Variants in PPFIA2 observed in about 807,000 individuals in gnomAD.
PPFIA2 encodes liprin-alpha-2.
PPFIA2 carries 46 observed loss-of-function variants against 175.5 expected under a neutral mutation model. The observed-to-expected ratio is 0.26, with a 90% confidence interval of 0.21 to 0.34. The LOEUF (loss-of-function observed/expected upper bound fraction) is 0.34, where lower values mean the gene tolerates loss of function less well. PPFIA2 is among the 10% of genes least tolerant of loss of function. PPFIA2 has a pLI of 1.00. For synonymous variants in PPFIA2, 568 were observed against 511.4 expected (o/e 1.11, Z -1.49); for missense variants, 1,179 against 1,506.1 (o/e 0.78, Z 3.60).
chr12:81,480,521 C>A (rs2058080920), intron 4 of PPFIA2, among the ~76,000 whole-genome samples: 1 of 152,122 alleles, frequency 6.6e-6, no homozygotes, highest in East Asian at 1.9e-4. Context: ...AGTCTTTTTG[C>A]ACTTTTTTCC....
At chr12:81,406,271 T>C (rs892686467) in intron 7 of PPFIA2, among the ~76,000 whole-genome samples, 3 of 152,156 alleles carry the variant, frequency 2.0e-5, no homozygotes, top group African/African-American at 7.2e-5. Context: ...GTTTTTTTGG[T>C]CTGTATTTTT....
At chr12:81,358,305 G>A in intron 15 of PPFIA2, 88 bp from the exon 16 acceptor site, 1 of 1,249,288 alleles carries the variant, frequency 8.0e-7, no homozygotes, top group Non-Finnish European at 1.1e-6. Context: ...TGGCAATAAA[G>A]CAGAAATCCT....
intron 5 of PPFIA2, among the ~76,000 whole-genome samples, chr12:81,452,294 T>C (rs910077990): frequency 1.3e-5 from 2 of 152,222 alleles, no homozygotes; most frequent in East Asian, 1.9e-4. Context: ...TTGTGAATAG[T>C]TATTTCCAAT....
In PPFIA2 at chr12:81,642,781, A is replaced by G. The variant is rs1248177329; in HGVS notation, c.303+34010T>C. On this transcript the variant is annotated intron_variant, in intron 4 of 32. Coordinates refer to ENST00000549396, the MANE Select transcript of PPFIA2 (RefSeq NM_003625.5). ...ATACATGTATATGTATGTATGTATT[A>G]TATACATACATGTATATGTATGTAT... Among the ~76,000 whole-genome samples the G allele has an allele frequency of 1.9e-5, 2 of 106,818 alleles. 1 individual carries two copies. The highest frequency in any genetic ancestry group is 7.1e-5 in the African/African-American group (2 of 28,124). 70.1% of individuals were successfully genotyped at this position (106,818 alleles called of 152,430 possible). A position where few individuals can be genotyped will look rare whatever the true frequency, so the allele number is the denominator to read the frequency against.
chr12:81,304,438 C>T lies in PPFIA2; in HGVS notation c.2643-5056G>A, dbSNP rs1270134237. Among the ~76,000 whole-genome samples, 4 of 152,256 alleles carry T rather than the reference C, an allele frequency of 2.6e-5. No individual in the cohort carries two copies. In the East Asian group the frequency reaches 7.7e-4, roughly 29 times the overall value. ...GAAGATTTGTATAAACACATATACA[C>T]ATACATAAACAAAATAAGTTGAGCC... On this transcript the variant is annotated intron_variant, in intron 22 of 32. Coordinates refer to ENST00000549396, the MANE Select transcript of PPFIA2 (RefSeq NM_003625.5).
At chr12:81,360,856 A>G in intron 15 of PPFIA2, among the ~76,000 whole-genome samples, 1 of 151,802 alleles carries the variant, frequency 6.6e-6, no homozygotes, top group East Asian at 1.9e-4. Flanking sequence ...TACTATACAT[A>G]TAATCCCTAC....
intron 3 of PPFIA2, among the ~76,000 whole-genome samples, chr12:81,690,667 C>T (rs964659978): frequency 3.9e-5 from 6 of 152,032 alleles, no homozygotes; most frequent in Non-Finnish European, 8.8e-5. Flanking sequence ...ATATTAATTT[C>T]CTATTGCTTC....
intron 4 of PPFIA2, among the ~76,000 whole-genome samples, chr12:81,593,568 G>A (rs2058915894): frequency 6.6e-6 from 1 of 152,112 alleles, no homozygotes; most frequent in Non-Finnish European, 1.5e-5. Flanking sequence ...TAATAAAATG[G>A]TCTTGGGGAT....
At chr12:81,443,288 C>T (rs1463957857) in intron 6 of PPFIA2, among the ~76,000 whole-genome samples, 1 of 151,944 alleles carries the variant, frequency 6.6e-6, no homozygotes, top group Non-Finnish European at 1.5e-5. Context: ...ATGATCAAGT[C>T]ACTTATCCAG....
At chr12:81,665,415 C>A (rs1032487742) in intron 4 of PPFIA2, among the ~76,000 whole-genome samples, 1 of 152,016 alleles carries the variant, frequency 6.6e-6, no homozygotes, top group Non-Finnish European at 1.5e-5. Context: ...TTAGCATAAA[C>A]TTAACTTTTA....
At chr12:81,482,457 T>C (rs947474696) in intron 4 of PPFIA2, among the ~76,000 whole-genome samples, 1 of 152,210 alleles carries the variant, frequency 6.6e-6, no homozygotes, top group African/African-American at 2.4e-5. Flanking sequence ...ACTGCAGCAC[T>C]GTTCACAATA....
intron 4 of PPFIA2, among the ~76,000 whole-genome samples, chr12:81,576,568 G>A (rs148722028): frequency 7.9e-5 from 12 of 151,650 alleles, no homozygotes; most frequent in Admixed American, 2.6e-4. Context: ...GTTTTGTTTT[G>A]TTTATTAATA....
intron 4 of PPFIA2, among the ~76,000 whole-genome samples, chr12:81,643,087 T>C (rs1006481829): frequency 4.7e-5 from 7 of 149,110 alleles, no homozygotes; most frequent in African/African-American, 1.7e-4. Flanking sequence ...GTTATATGTG[T>C]ATATATATTT....
intron 28 of PPFIA2, among the ~76,000 whole-genome samples, chr12:81,269,237 A>G (rs1385127953): frequency 1.3e-5 from 2 of 152,160 alleles, no homozygotes; most frequent in Admixed American, 6.5e-5. Flanking sequence ...TCCATAGAAA[A>G]GAAAGAATTT....
chr12:81,361,997 GTATCTATGTATCTATCTATC>G (rs2030757073), intron 15 of PPFIA2, among the ~76,000 whole-genome samples: 1 of 122,930 alleles, frequency 8.1e-6, no homozygotes, highest in Admixed American at 8.9e-5. Flanking sequence ...ATCTATCTAT[GTATCTATGTATCTATCTATC>G]TATCTATCTA....
At chr12:81,347,830 G>T in intron 17 of PPFIA2, 60 bp from the exon 18 acceptor site, 1 of 1,567,124 alleles carries the variant, frequency 6.4e-7, no homozygotes, top group Non-Finnish European at 8.6e-7. Flanking sequence ...ATTATATGCT[G>T]CTGTAAGGAT....
At chr12:81,296,892 G>T (rs1210537887) in intron 23 of PPFIA2, 1 of 151,806 alleles carries the variant, frequency 6.6e-6, no homozygotes, top group African/African-American at 2.4e-5. Flanking sequence ...TCCTTCTTTT[G>T]GGGGTAGGAT....
chr12:81,265,218 A>C (rs2036867797), intron 30 of PPFIA2, among the ~76,000 whole-genome samples: 2 of 139,790 alleles, frequency 1.4e-5, no homozygotes. Flanking sequence ...GCTGGAACCC[A>C]GGAGACGGAG....
Position 81,697,626 on chromosome 12 carries a change from T to C in PPFIA2, c.250-20782A>G, listed in dbSNP as rs915754387. On this transcript the variant is annotated intron_variant, in intron 3 of 32. Coordinates refer to ENST00000549396, the MANE Select transcript of PPFIA2 (RefSeq NM_003625.5). ...TTCGTCCAGAAACTACAAGATAGCA[T>C]AGTTTTCCTTAGTAAACTGAAAATC... Among the ~76,000 whole-genome samples the C allele has an allele frequency of 6.6e-5, 10 of 152,284 alleles. No homozygotes were observed. In the South Asian group the frequency reaches 8.3e-4, roughly 13 times the overall value.
Sources: allele counts gnomAD v4.1 joint callset (sites outside exome capture counted in the v4.1 genomes callset), GRCh38; gene constraint gnomAD v4.1.1; transcripts MANE v1.5; gene names NCBI Gene and HGNC (gene_info 2026-07-23, HGNC 2026-07-21).